The following NBAS variants were observed in gnomAD, a reference collection of about 807,000 sequenced individuals.
The protein encoded by NBAS is NBAS subunit of NRZ tethering complex.
In NBAS, 219 loss-of-function variants were observed where a neutral mutation model predicts 302.5. That is an observed-to-expected ratio of 0.72 (90% CI 0.65 to 0.81). The LOEUF (loss-of-function observed/expected upper bound fraction) is 0.81. Among genes scored for constraint, NBAS ranks in the 30% least tolerant of loss-of-function variants. The probability of loss-of-function intolerance (pLI) is 0.00; values close to 1 mark genes in which losing one functional copy is unlikely to be tolerated. For synonymous variants in NBAS, 1,118 were observed against 1,021.6 expected (o/e 1.09, Z -1.80); for missense variants, 2,932 against 2,841.6 (o/e 1.03, Z -0.72).
the NBAS span, among the ~76,000 whole-genome samples, chr2:14,833,877 A>G: frequency 2.0e-5 from 3 of 152,032 alleles, no homozygotes; most frequent in African/African-American, 7.2e-5. Flanking sequence ...TGTGAATGCA[A>G]AATGATCATC....
At chr2:15,379,896 G>T in intron 29 of NBAS, 65 bp from the exon 30 acceptor site, 1 of 1,462,870 alleles carries the variant, frequency 6.8e-7, no homozygotes, top group Non-Finnish European at 9.6e-7. Context: ...GTGAAATGAA[G>T]GCTCTGAAAT....
intron 41 of NBAS, among the ~76,000 whole-genome samples, chr2:15,290,534 C>G (rs1233221476): frequency 6.6e-6 from 1 of 152,162 alleles, no homozygotes; most frequent in East Asian, 1.9e-4. Flanking sequence ...AGTTTTTATT[C>G]TGCATGATAA....
chr2:15,366,522 A>T lies in NBAS; in HGVS notation c.3817+58T>A, dbSNP rs1674208996. On this transcript the variant is annotated intron_variant, in intron 32 of 51. Transcript: ENST00000281513. Reference sequence around the variant, plus strand: ...GCACATATTCTGCTATTGTCCTGCAATGATGTCAAGAATAACATAGAAAGC... The same window carrying T: ...GCACATATTCTGCTATTGTCCTGCATTGATGTCAAGAATAACATAGAAAGC... The T allele has an allele frequency of 2.0e-6, 3 of 1,469,708 alleles. No homozygotes were observed. In the Admixed American group the frequency reaches 5.0e-5, roughly 25 times the overall value. 91.0% of individuals were successfully genotyped at this position (1,469,708 alleles called of 1,614,324 possible).
chr2:15,225,682 C>CA (rs1053757983), intron 47 of NBAS, among the ~76,000 whole-genome samples: 18 of 152,100 alleles, frequency 1.2e-4, no homozygotes, highest in Non-Finnish European at 1.8e-4. Context: ...CAAACCCCCC[C>CA]AAAAAACTCA....
At chr2:15,302,139 G>A (rs1362941291) in intron 40 of NBAS, among the ~76,000 whole-genome samples, 1 of 152,186 alleles carries the variant, frequency 6.6e-6, no homozygotes. Context: ...GGAAACAAAT[G>A]GAGAGGTGGT....
At chr2:15,317,296 C>T (rs1305716390) in intron 38 of NBAS, among the ~76,000 whole-genome samples, 1 of 152,108 alleles carries the variant, frequency 6.6e-6, no homozygotes, top group African/African-American at 2.4e-5. Flanking sequence ...TGGGGAGAAA[C>T]CAGAGCAGAA....
chr2:14,843,773 G>A, the NBAS span, among the ~76,000 whole-genome samples: 2 of 152,096 alleles, frequency 1.3e-5, no homozygotes, highest in Non-Finnish European at 2.9e-5. Flanking sequence ...GAGAGCACAG[G>A]AATTGTGAGA....
chr2:15,283,453 T>C (rs568101112), intron 42 of NBAS, among the ~76,000 whole-genome samples: 1 of 152,008 alleles, frequency 6.6e-6, no homozygotes, highest in East Asian at 1.9e-4. Context: ...TGAGTTCTCA[T>C]GAGATCTGAT....
At chr2:14,957,842 G>T in the NBAS span, among the ~76,000 whole-genome samples, 1 of 152,148 alleles carries the variant, frequency 6.6e-6, no homozygotes, top group East Asian at 1.9e-4. Context: ...CTCAGTCCGA[G>T]AATACCTGTT....
At chr2:15,419,652 T>C (rs1036668547) in intron 23 of NBAS, among the ~76,000 whole-genome samples, 1 of 152,006 alleles carries the variant, frequency 6.6e-6, no homozygotes, top group Admixed American at 6.6e-5. Context: ...AGATGCCCAA[T>C]AGTAGGTCCA....
intron 7 of NBAS, among the ~76,000 whole-genome samples, chr2:15,537,649 C>T (rs1207346544): frequency 6.6e-6 from 1 of 152,064 alleles, no homozygotes; most frequent in African/African-American, 2.4e-5. Context: ...TGTGGCTGCA[C>T]TATGATCATT....
At chr2:15,041,814 A>G in the NBAS span, among the ~76,000 whole-genome samples, 125,253 of 152,202 alleles carry the variant, frequency 0.82, 51,888 homozygotes, top group East Asian at 0.99. Context: ...CTTGCTTCCA[A>G]GGGCTCTGCC....
intron 10 of NBAS, among the ~76,000 whole-genome samples, chr2:15,504,948 T>G (rs1301787620): frequency 6.6e-6 from 1 of 152,166 alleles, no homozygotes; most frequent in African/African-American, 2.4e-5. Context: ...AGCCAGAACT[T>G]CTGAGTTGAA....
intron 6 of NBAS, among the ~76,000 whole-genome samples, chr2:15,547,237 T>G (rs988381571): frequency 1.3e-5 from 2 of 152,222 alleles, no homozygotes; most frequent in Non-Finnish European, 2.9e-5. Flanking sequence ...GTTTGTAGAC[T>G]CTGCAATATG....
chr2:14,820,553 T>C, the NBAS span, among the ~76,000 whole-genome samples: 2 of 152,140 alleles, frequency 1.3e-5, no homozygotes, highest in African/African-American at 2.4e-5. Flanking sequence ...AGGTGGTGGA[T>C]GATTAATAGC....
chr2:14,874,619 G>T, the NBAS span, among the ~76,000 whole-genome samples: 2 of 144,322 alleles, frequency 1.4e-5, no homozygotes, highest in African/African-American at 2.7e-5. Context: ...CAGCCTGGAC[G>T]ACAAAGCGAG....
intron 35 of NBAS, among the ~76,000 whole-genome samples, chr2:15,342,308 C>CA (rs888942867): frequency 6.6e-6 from 1 of 151,746 alleles, no homozygotes; most frequent in Admixed American, 6.6e-5. Context: ...ATAAATAAAT[C>CA]AAAAAAATAA....
intron 44 of NBAS, among the ~76,000 whole-genome samples, chr2:15,246,061 A>G (rs187198128): frequency 7.6e-4 from 116 of 152,340 alleles, no homozygotes; most frequent in Non-Finnish European, 1.5e-3. Context: ...CAGGCTAGAT[A>G]AGGAATCTGA....
chr2:15,004,792 G>A, the NBAS span, among the ~76,000 whole-genome samples: 2 of 151,454 alleles, frequency 1.3e-5, no homozygotes, highest in African/African-American at 4.9e-5. Context: ...TTATAGGTGT[G>A]AGCTACCAGA....
Sources: gnomAD v4.1 joint callset for allele counts (sites outside exome capture counted in the v4.1 genomes callset) on GRCh38, gnomAD v4.1.1 for gene constraint, MANE v1.5 for transcripts, NCBI Gene and HGNC (gene_info 2026-07-23, HGNC 2026-07-21) for gene names.